Variants in CHEK2 observed in about 807,000 individuals in gnomAD.
The protein encoded by CHEK2 is serine/threonine-protein kinase Chk2.
CHEK2 carries 71 observed loss-of-function variants against 69.1 expected under a neutral mutation model. That is an observed-to-expected ratio of 1.03 (90% CI 0.85 to 1.25). The LOEUF (loss-of-function observed/expected upper bound fraction) is 1.25. Among genes scored for constraint, CHEK2 ranks in the 50% most tolerant of loss-of-function variants. The pLI is 0.00. For synonymous variants in CHEK2, 189 were observed against 226.9 expected (o/e 0.83, Z 1.50); for missense variants, 664 against 649.6 (o/e 1.02, Z -0.24).
At chr22:28,712,568 A>T (rs9620817) in intron 5 of CHEK2, among the ~76,000 whole-genome samples, 12,747 of 152,154 alleles carry the variant, frequency 0.084, 612 homozygotes, top group South Asian at 0.1. Context: ...ACTTTCAGCA[A>T]CCTCTCACAG....
rs201340887 is a variant in CHEK2, at chr22:28,734,825, G to GA, written c.-6-99dup. 0.38 allele frequency: 226,070 copies of GA among 602,186 alleles called. 9,187 individuals are homozygous for GA. The highest frequency in any genetic ancestry group is 0.43 in the African/African-American group (22,011 of 50,616). 37.3% of individuals were successfully genotyped at this position (602,186 alleles called of 1,614,324 possible). Reference sequence around the variant, plus strand: ...GGCCTATTACAACAGCAAAAGAAAAGAAAAAAAAAAAAACAGGGCAAACAT... The same window carrying GA: ...GGCCTATTACAACAGCAAAAGAAAAGAAAAAAAAAAAAAACAGGGCAAACAT... On this transcript the variant is annotated intron_variant, in intron 1 of 14. Transcript: ENST00000404276.
At chr22:28,738,034 A>C (rs930947158) in intron 1 of CHEK2, 4 of 152,178 alleles carry the variant, frequency 2.6e-5, no homozygotes, top group Non-Finnish European at 5.9e-5. Context: ...GGTGAAATCC[A>C]GTATCTACAG....
rs876658717 is a variant in CHEK2 at position 28,734,644 on chromosome 22, G to A, written c.78C>T (p.Thr26=). The change falls in exon 2 of 15, where the codon ACC becomes ACT. Residue 26 remains threonine (T), a synonymous_variant. Coordinates refer to ENST00000404276, the MANE Select transcript of CHEK2 (RefSeq NM_007194.4). ...SACSQPHGSV[T]QSQGSSSQSQ... ...ACTGTGAGGAGGAGCCTTGGGACTG[G>A]GTAACGCTGCCATGGGGCTGTGAAC... is the stretch of plus-strand genomic sequence containing the variant. The A allele has an allele frequency of 6.2e-7, 1 of 1,613,948 alleles. No individual in the cohort carries two copies. Among genetic ancestry groups the A allele is most frequent in the Non-Finnish European group, 8.5e-7 (1 of 1,180,024 alleles).
At chr22:28,690,392 G>A (rs2052314880) in intron 13 of CHEK2, among the ~76,000 whole-genome samples, 1 of 152,170 alleles carries the variant, frequency 6.6e-6, no homozygotes, top group Admixed American at 6.5e-5. Flanking sequence ...ACTTTGGGAG[G>A]CCAAGGCAGG....
At position 28,737,674 on chromosome 22, in the gene CHEK2, G is replaced by A. The variant is rs144129641; in HGVS notation, c.-6-2947C>T. Among the ~76,000 whole-genome samples the A allele has an allele frequency of 7.8e-3, 1,178 of 151,756 alleles. 17 individuals carry two copies. Among genetic ancestry groups the A allele is most frequent in the African/African-American group, 0.027 (1,132 of 41,372 alleles). ...TTTTAGTAGAGACAGGGTTTTCACC[G>A]TATTGGCCAGCCTGGTCTCAAACTG... On this transcript the variant is annotated intron_variant, in intron 1 of 14. Coordinates refer to ENST00000404276, the MANE Select transcript of CHEK2 (RefSeq NM_007194.4).
chr22:28,698,835 G>A (rs1010009076), intron 9 of CHEK2, among the ~76,000 whole-genome samples: 7 of 152,058 alleles, frequency 4.6e-5, no homozygotes, highest in African/African-American at 1.2e-4. Flanking sequence ...GAGCCATGGG[G>A]GACCAACCCA....
chr22:28,695,348 T>G (rs2052531666), intron 11 of CHEK2, 106 bp from the exon 12 acceptor site: 3 of 751,120 alleles, frequency 4.0e-6, no homozygotes, highest in Non-Finnish European at 7.1e-6. Context: ...AGATTTTTCT[T>G]TAAATCAATG....
intron 2 of CHEK2, chr22:28,730,498 A>G: frequency 1.4e-6 from 1 of 695,206 alleles, no homozygotes; most frequent in South Asian, 1.5e-5. Flanking sequence ...GGAGGATCAG[A>G]TGACAGCAGG....
rs187645968 is a variant in CHEK2 at position 28,718,023 on chromosome 22, G to C, written c.683+1372C>G. Among the ~76,000 whole-genome samples, 252 of 152,314 alleles carry C rather than the reference G, an allele frequency of 1.7e-3. 1 individual carries two copies. Among genetic ancestry groups the C allele is most frequent in the African/African-American group, 5.6e-3 (234 of 41,574 alleles). ...TTGAACCCGGGAGGCGGAGGTTGCA[G>C]TGGGCCAAGATCACGCCACTGCACC... On this transcript the variant is annotated intron_variant, in intron 5 of 14. Transcript: ENST00000404276.
intron 2 of CHEK2, chr22:28,727,931 G>A (rs1359540000): frequency 6.6e-6 from 1 of 152,174 alleles, no homozygotes; most frequent in Non-Finnish European, 1.5e-5. Context: ...TACACACATT[G>A]TCTATAATTG....
At position 28,695,329 on chromosome 22, in the gene CHEK2, T is replaced by A. The variant is rs1348677559; in HGVS notation, c.1260-87A>T. The A allele has an allele frequency of 2.5e-5, 20 of 807,830 alleles. No individual in the cohort carries two copies. In the Admixed American group the frequency reaches 4.0e-4, roughly 16 times the overall value. The allele number at this position is 807,830 out of a possible 1,614,324, so 50.0% of individuals were successfully genotyped here. A position where few individuals can be genotyped will look rare whatever the true frequency, so the allele number is the denominator to read the frequency against. On this transcript the variant is annotated intron_variant, in intron 11 of 14. Coordinates refer to ENST00000404276, the MANE Select transcript of CHEK2 (RefSeq NM_007194.4). The stretch of plus-strand genomic sequence containing the variant: ...TATAAAGATTTCTTTTTCAGCATAA[T>A]GAAAAGTCAGATTTTTCTTTAAATC...
chr22:28,700,373 G>A (rs12628239), intron 8 of CHEK2, among the ~76,000 whole-genome samples: 44,626 of 151,824 alleles, frequency 0.29, 6,712 homozygotes, highest in Admixed American at 0.36. Flanking sequence ...CACCATGCCC[G>A]GCTAATTGTT....
At chr22:28,719,229 CTGTG>C (rs1601804827) in intron 5 of CHEK2, among the ~76,000 whole-genome samples, 162 bp downstream of exon 5, 1 of 152,054 alleles carries the variant, frequency 6.6e-6, no homozygotes, top group African/African-American at 2.4e-5. Context: ...ATTAAAATGA[CTGTG>C]TGAAATAACA....
chr22:28,723,904 C>A (rs1241463840), intron 4 of CHEK2, among the ~76,000 whole-genome samples: 1 of 150,668 alleles, frequency 6.6e-6, no homozygotes, highest in Non-Finnish European at 1.5e-5. Context: ...CCACTGAACT[C>A]CAGCCTGGGA....
chr22:28,696,689 C>T (rs1204622277), intron 10 of CHEK2, among the ~76,000 whole-genome samples: 1 of 152,300 alleles, frequency 6.6e-6, no homozygotes, highest in Non-Finnish European at 1.5e-5. Flanking sequence ...TCCTCTCTCT[C>T]TAAGCACAAA....
chr22:28,698,173 T>C (rs1019052243), intron 9 of CHEK2, among the ~76,000 whole-genome samples: 2 of 147,888 alleles, frequency 1.4e-5, no homozygotes, highest in Admixed American at 6.9e-5. Context: ...GGCGGATAGT[T>C]TGAGGTCAGG....
intron 9 of CHEK2, among the ~76,000 whole-genome samples, 192 bp from the exon 10 acceptor site, chr22:28,697,179 G>A (rs926134174): frequency 6.6e-6 from 1 of 152,000 alleles, no homozygotes; most frequent in Non-Finnish European, 1.5e-5. Context: ...TTAAAAAGCA[G>A]GGAAATGAAA....
chr22:28,724,785 C>T (rs1009029647), intron 4 of CHEK2, 192 bp downstream of exon 4: 7 of 652,504 alleles, frequency 1.1e-5, no homozygotes, highest in East Asian at 6.3e-5. Context: ...AGGCTGGTCT[C>T]GAACTCCTGA....
At chr22:28,738,676 A>C (rs923110511) in intron 1 of CHEK2, among the ~76,000 whole-genome samples, 1 of 152,134 alleles carries the variant, frequency 6.6e-6, no homozygotes, top group Non-Finnish European at 1.5e-5. Flanking sequence ...AAAACCTATA[A>C]AACTACTAGA....
Sources: allele counts gnomAD v4.1 joint callset (sites outside exome capture counted in the v4.1 genomes callset), GRCh38; gene constraint gnomAD v4.1.1; transcripts MANE v1.5; gene names NCBI Gene and HGNC (gene_info 2026-07-23, HGNC 2026-07-21).